SYN3: variants seen among roughly 807,000 people sequenced by gnomAD.
SYN3 encodes the protein synapsin-3.
Under a neutral mutation model 65.8 loss-of-function variants are expected in SYN3, and 35 were observed. The ratio of observed to expected loss-of-function variants is 0.53; its 90% CI spans 0.41 to 0.70. SYN3 has a LOEUF of 0.70. Among genes scored for constraint, SYN3 ranks in the 30% least tolerant of loss-of-function variants. SYN3 has a pLI of 0.00. For synonymous variants in SYN3, 270 were observed against 292.9 expected (o/e 0.92, Z 0.80); for missense variants, 680 against 749.0 (o/e 0.91, Z 1.08).
chr22:32,906,327 A>G (rs1429644773), intron 4 of SYN3, among the ~76,000 whole-genome samples: 1 of 152,166 alleles, frequency 6.6e-6, no homozygotes, highest in Non-Finnish European at 1.5e-5. Flanking sequence ...AGGAACCTGC[A>G]TTTAGCCAAG....
intron 6 of SYN3, among the ~76,000 whole-genome samples, chr22:32,847,121 T>C (rs1387593121): frequency 6.6e-6 from 1 of 152,160 alleles, no homozygotes; most frequent in Non-Finnish European, 1.5e-5. Flanking sequence ...TTACCTTCTG[T>C]GTTAATGAGG....
intron 6 of SYN3, among the ~76,000 whole-genome samples, chr22:32,623,567 C>T (rs2059624294): frequency 6.6e-6 from 1 of 152,242 alleles, no homozygotes; most frequent in Non-Finnish European, 1.5e-5. Flanking sequence ...AACCTGCCTG[C>T]CCTGCCTGGC....
chr22:32,530,863 G>C (rs1053782561), intron 10 of SYN3, among the ~76,000 whole-genome samples: 1 of 151,766 alleles, frequency 6.6e-6, no homozygotes, highest in Non-Finnish European at 1.5e-5. Context: ...AAAATTAGCC[G>C]GGCGTGGTGG....
At chr22:32,620,054 T>A (rs2059573314) in intron 6 of SYN3, among the ~76,000 whole-genome samples, 1 of 152,262 alleles carries the variant, frequency 6.6e-6, no homozygotes, top group Admixed American at 6.5e-5. Flanking sequence ...AAGTGCCACT[T>A]AGCTGACTCA....
chr22:32,926,796 C>T (rs1455533567), intron 4 of SYN3, among the ~76,000 whole-genome samples: 2 of 152,086 alleles, frequency 1.3e-5, no homozygotes, highest in Non-Finnish European at 2.9e-5. Flanking sequence ...TTAACAACTC[C>T]CAGAGTACTT....
intron 6 of SYN3, among the ~76,000 whole-genome samples, chr22:32,787,315 T>C (rs2046220410): frequency 6.6e-6 from 1 of 152,230 alleles, no homozygotes; most frequent in Non-Finnish European, 1.5e-5. Flanking sequence ...CCCAAAGTGC[T>C]GGGATTACAG....
At chr22:32,800,948 T>A (rs1272531324) in intron 6 of SYN3, among the ~76,000 whole-genome samples, 1 of 152,212 alleles carries the variant, frequency 6.6e-6, no homozygotes, top group African/African-American at 2.4e-5. Flanking sequence ...AACTCTGTTT[T>A]GTTTTCTTCA....
intron 5 of SYN3, among the ~76,000 whole-genome samples, chr22:32,866,533 C>T (rs781637046): frequency 6.6e-6 from 1 of 152,190 alleles, no homozygotes; most frequent in Non-Finnish European, 1.5e-5. Flanking sequence ...TCAGTTTCCT[C>T]ATCTGTAAGA....
intron 1 of SYN3, among the ~76,000 whole-genome samples, chr22:33,011,561 T>C (rs1055345767): frequency 6.6e-6 from 1 of 152,120 alleles, no homozygotes; most frequent in Non-Finnish European, 1.5e-5. Flanking sequence ...TTTGCTAGGT[T>C]TTGGTATCAG....
At chr22:32,644,135 A>G (rs902328772) in intron 6 of SYN3, among the ~76,000 whole-genome samples, 1 of 150,330 alleles carries the variant, frequency 6.7e-6, no homozygotes, top group African/African-American at 2.4e-5. Flanking sequence ...GGAGAAAGGA[A>G]CTATTCAGGG....
chr22:33,056,326 C>T (rs2054252690), intron 1 of SYN3, among the ~76,000 whole-genome samples: 1 of 152,166 alleles, frequency 6.6e-6, no homozygotes, highest in South Asian at 2.1e-4. Flanking sequence ...CAAAGCACTA[C>T]TTCATTTGTG....
intron 6 of SYN3, among the ~76,000 whole-genome samples, chr22:32,638,598 C>T (rs1435862203): frequency 6.6e-6 from 1 of 152,144 alleles, no homozygotes; most frequent in Non-Finnish European, 1.5e-5. Flanking sequence ...TTGTTGGCCT[C>T]TTGTATGTCT....
chr22:32,802,436 G>A (rs1253499818), intron 6 of SYN3, among the ~76,000 whole-genome samples: 1 of 152,042 alleles, frequency 6.6e-6, no homozygotes, highest in Non-Finnish European at 1.5e-5. Context: ...AACGGAGGAA[G>A]GGCTAGAAGA....
intron 6 of SYN3, among the ~76,000 whole-genome samples, chr22:32,752,731 G>T (rs1456181613): frequency 3.9e-5 from 6 of 152,148 alleles, no homozygotes. Context: ...CCTTCTGGGG[G>T]TCCTGGCTCC....
At chr22:32,597,808 A>G (rs752208310) in intron 6 of SYN3, among the ~76,000 whole-genome samples, 3 of 152,130 alleles carry the variant, frequency 2.0e-5, no homozygotes, top group Non-Finnish European at 2.9e-5. Flanking sequence ...CTGTCCTTCA[A>G]TCAGGCCCCT....
intron 1 of SYN3, among the ~76,000 whole-genome samples, chr22:33,016,209 C>T (rs2053464389): frequency 6.6e-6 from 1 of 152,040 alleles, no homozygotes; most frequent in African/African-American, 2.4e-5. Flanking sequence ...ATTTTTTTCC[C>T]CAGTTTGGTA....
At chr22:32,605,002 T>TGC (rs1171618681) in intron 6 of SYN3, among the ~76,000 whole-genome samples, 32 of 111,086 alleles carry the variant, frequency 2.9e-4, no homozygotes, top group Non-Finnish European at 2.1e-4. Context: ...CGAGACTCCA[T>TGC]CTCAGAAAAA....
At chr22:32,651,953 G>C (rs1263286360) in intron 6 of SYN3, among the ~76,000 whole-genome samples, 1 of 152,106 alleles carries the variant, frequency 6.6e-6, no homozygotes, top group East Asian at 1.9e-4. Context: ...TCTAATCCTA[G>C]AATGCACAGG....
chr22:32,523,139 T>C (rs1282166400), intron 12 of SYN3, among the ~76,000 whole-genome samples: 1 of 152,224 alleles, frequency 6.6e-6, no homozygotes, highest in African/African-American at 2.4e-5. Flanking sequence ...ATATCTGTTA[T>C]GGTGATCCGT....
Sources: gnomAD v4.1 joint callset for allele counts (sites outside exome capture counted in the v4.1 genomes callset) on GRCh38, gnomAD v4.1.1 for gene constraint, MANE v1.5 for transcripts, NCBI Gene and HGNC (gene_info 2026-07-23, HGNC 2026-07-21) for gene names.